Variants in MORN1 observed in about 807,000 individuals in gnomAD.
The protein encoded by MORN1 is MORN repeat containing 1.
In MORN1, 67 loss-of-function variants were observed where a neutral mutation model predicts 61.9. That is an observed-to-expected ratio of 1.08 (90% CI 0.89 to 1.33). MORN1 has a LOEUF of 1.33. MORN1 is among the 40% of genes most tolerant of loss of function. The pLI is 0.00. For synonymous variants in MORN1, 301 were observed against 292.0 expected (o/e 1.03, Z -0.31); for missense variants, 752 against 691.2 (o/e 1.09, Z -0.99).
intron 12 of MORN1, among the ~76,000 whole-genome samples, chr1:2,329,274 C>T (rs1210248123): frequency 2.6e-5 from 4 of 152,210 alleles, no homozygotes; most frequent in African/African-American, 7.2e-5. Context: ...GCCCGGCCCT[C>T]ACACCTGCTT....
intron 10 of MORN1, among the ~76,000 whole-genome samples, chr1:2,339,879 C>G (rs1641357033): frequency 6.6e-6 from 1 of 152,260 alleles, no homozygotes. Flanking sequence ...GAAGGCCCAG[C>G]CAAAGTGTCC....
Position 2,385,644 on chromosome 1 carries a change from G to A in MORN1, c.449+163C>T, listed in dbSNP as rs964051345. Reference sequence around the variant, plus strand: ...AATAACACCGAAACCACAGAATGTGGTTCAACAACTTGGCACTGGGGGGGT... The same window carrying A: ...AATAACACCGAAACCACAGAATGTGATTCAACAACTTGGCACTGGGGGGGT... On this transcript the variant is annotated intron_variant, in intron 5 of 13. Coordinates refer to ENST00000378531, the MANE Select transcript of MORN1 (RefSeq NM_024848.3). 2.4e-5 allele frequency: 15 copies of A among 626,192 alleles called. 1 individual carries two copies. Among genetic ancestry groups the A allele is most frequent in the African/African-American group, 2.0e-4 (11 of 54,278 alleles). 38.8% of individuals were successfully genotyped at this position (626,192 alleles called of 1,614,324 possible).
rs1268702503 is a variant in MORN1 at position 2,337,177 on chromosome 1, G to A, written c.1037-327C>T. 1.3e-5 allele frequency among the ~76,000 whole-genome samples: 2 copies of A among 152,194 alleles called. No individual in the cohort carries two copies. Among genetic ancestry groups the A allele is most frequent in the Non-Finnish European group, 2.9e-5 (2 of 68,022 alleles). ...GCAGCCCCCGTCAGCCGAGGCACTC[G>A]CTTCCAGGGTAGGGCCGGGACCGGG... On this transcript the variant is annotated intron_variant, in intron 10 of 13. Coordinates refer to ENST00000378531, the MANE Select transcript of MORN1 (RefSeq NM_024848.3). This position sits in a 1 kb window ranked among gnomAD's most constrained non-coding sequence, Gnocchi z 5.7.
chr1:2,385,749 C>T, intron 5 of MORN1, 58 bp downstream of exon 5: 1 of 1,514,448 alleles, frequency 6.6e-7, no homozygotes, highest in Non-Finnish European at 9.2e-7. Context: ...CACATGGCCT[C>T]ACACCTGCCC....
At chr1:2,324,832 T>C (rs1297389401) in intron 12 of MORN1, among the ~76,000 whole-genome samples, 1 of 152,000 alleles carries the variant, frequency 6.6e-6, no homozygotes, top group Non-Finnish European at 1.5e-5. Context: ...GGCCTGTTCC[T>C]CCTGCCTGGA....
intron 5 of MORN1, 156 bp from the exon 6 acceptor site, chr1:2,385,221 G>A (rs1642466262): frequency 1.4e-6 from 1 of 722,846 alleles, no homozygotes; most frequent in Non-Finnish European, 2.3e-6. Context: ...CCTCGCCAGG[G>A]CCAGCTGGGG....
Position 2,385,881 on chromosome 1 carries a change from C to T in MORN1, c.375G>A (p.Val125=). The T allele has an allele frequency of 4.3e-6, 7 of 1,613,986 alleles. No individual in the cohort carries two copies. Among genetic ancestry groups the T allele is most frequent in the Non-Finnish European group, 5.9e-6 (7 of 1,180,032 alleles). The change falls in exon 5 of 14, where the codon GTG becomes GTA. Residue 125 remains valine (V), a synonymous_variant. Coordinates refer to ENST00000378531, the MANE Select transcript of MORN1 (RefSeq NM_024848.3). Reference sequence around the variant, plus strand: ...CCTGGTACACTTGTCCATCCCGGTCCACCAGAAACCCGTGTCCTGGAGAAG... The same window carrying T: ...CCTGGTACACTTGTCCATCCCGGTCTACCAGAAACCCGTGTCCTGGAGAAG... ...HGMREGHGFL[V]DRDGQVYQGS...
At chr1:2,327,632 C>G (rs1310145333) in intron 12 of MORN1, among the ~76,000 whole-genome samples, 1 of 152,222 alleles carries the variant, frequency 6.6e-6, no homozygotes, top group African/African-American at 2.4e-5. Flanking sequence ...TGGACGGCTG[C>G]GAGTGGCCCG....
intron 12 of MORN1, among the ~76,000 whole-genome samples, chr1:2,327,668 A>G (rs780943484): frequency 4.6e-5 from 7 of 152,216 alleles, no homozygotes; most frequent in Non-Finnish European, 8.8e-5. Context: ...CACAGACAGG[A>G]GATGGGGTGG....
At chr1:2,358,437 A>C in intron 9 of MORN1, 155 bp downstream of exon 9, 1 of 548,760 alleles carries the variant, frequency 1.8e-6, no homozygotes, top group Non-Finnish European at 2.3e-6. Flanking sequence ...CTGAAATTCA[A>C]GGGAGCTGTT....
Position 2,366,631 on chromosome 1 carries a change from C to G in MORN1, c.745+5850G>C, listed in dbSNP as rs150420667. On this transcript the variant is annotated intron_variant, in intron 8 of 13. Coordinates refer to ENST00000378531, the MANE Select transcript of MORN1 (RefSeq NM_024848.3). ...CTCCGCCTCCCAGGTTCAAGCAATT[C>G]TCCTGCCTCAGCCTCCCAAGTAGCT... Among the ~76,000 whole-genome samples, 484 of 152,278 alleles carry G rather than the reference C, an allele frequency of 3.2e-3. 2 individuals carry two copies. Among genetic ancestry groups the G allele is most frequent in the Middle Eastern group, 6.8e-3 (2 of 294 alleles).
chr1:2,342,087 T>C (rs1375478181), intron 10 of MORN1, among the ~76,000 whole-genome samples: 3 of 152,258 alleles, frequency 2.0e-5, no homozygotes, highest in Non-Finnish European at 4.4e-5. Context: ...CCAGTTTTAA[T>C]GACATCAGTT....
intron 13 of MORN1, chr1:2,322,669 G>A (rs762459590): frequency 4.1e-6 from 4 of 985,468 alleles, no homozygotes; most frequent in African/African-American, 1.7e-5. Context: ...GCGGGCGGAG[G>A]AAGAGCCCCA....
At chr1:2,383,898 G>A (rs1642427802) in intron 6 of MORN1, among the ~76,000 whole-genome samples, 1 of 152,184 alleles carries the variant, frequency 6.6e-6, no homozygotes, top group Non-Finnish European at 1.5e-5. Flanking sequence ...CTTCCCACCA[G>A]CCAGGAGCTC....
At chr1:2,383,980 C>A (rs1252066632) in intron 6 of MORN1, among the ~76,000 whole-genome samples, 1 of 152,206 alleles carries the variant, frequency 6.6e-6, no homozygotes, top group Non-Finnish European at 1.5e-5. Context: ...GTCTCCGGGC[C>A]CCCTCCTGAC....
chr1:2,332,674 T>A, intron 12 of MORN1: 1 of 456,584 alleles, frequency 2.2e-6, no homozygotes. Flanking sequence ...TGGTCTCCTG[T>A]TGTCCACACT....
In MORN1 at chr1:2,372,726, G is replaced by A. The variant is rs1467503505; in HGVS notation, c.635-135C>T. 1.6e-5 allele frequency: 10 copies of A among 639,618 alleles called. No individual in the cohort carries two copies. Among genetic ancestry groups the A allele is most frequent in the East Asian group, 1.4e-4 (5 of 35,380 alleles). The allele number at this position is 639,618 out of a possible 1,614,324, so 39.6% of individuals were successfully genotyped here. A position where few individuals can be genotyped will look rare whatever the true frequency, so the allele number is the denominator to read the frequency against. On this transcript the variant is annotated intron_variant, in intron 7 of 13. Coordinates refer to ENST00000378531, the MANE Select transcript of MORN1 (RefSeq NM_024848.3). This position sits in a 1 kb window ranked among gnomAD's most constrained non-coding sequence, Gnocchi z 5.4. Reference sequence around the variant, plus strand: ...AGCTGGAACACAAGCACATGCGGGGGCCGACCCTCCGCAAACCACCTTGCA... The same window carrying A: ...AGCTGGAACACAAGCACATGCGGGGACCGACCCTCCGCAAACCACCTTGCA...
At chr1:2,343,640 A>G (rs1445077168) in intron 10 of MORN1, among the ~76,000 whole-genome samples, 1 of 152,002 alleles carries the variant, frequency 6.6e-6, no homozygotes, top group African/African-American at 2.4e-5. Flanking sequence ...CCTGGGGAGG[A>G]CAGGCCAGGA....
chr1:2,359,573 C>T (rs778193169), intron 8 of MORN1, among the ~76,000 whole-genome samples: 31 of 152,086 alleles, frequency 2.0e-4, no homozygotes, highest in Non-Finnish European at 4.0e-4. Flanking sequence ...ATGGCTGTGC[C>T]GAGAGGAGCA....
Sources: gnomAD v4.1 joint callset for allele counts (sites outside exome capture counted in the v4.1 genomes callset) on GRCh38, gnomAD v4.1.1 for gene constraint, Gnocchi (gnomAD v3.1) non-coding constraint, MANE v1.5 for transcripts, NCBI Gene and HGNC (gene_info 2026-07-23, HGNC 2026-07-21) for gene names.